Variants in ENTPD5 observed in about 807,000 individuals in gnomAD.
ENTPD5 encodes the protein nucleoside diphosphate phosphatase ENTPD5.
Under a neutral mutation model 60.2 loss-of-function variants are expected in ENTPD5, and 49 were observed. That is an observed-to-expected ratio of 0.81 (90% CI 0.65 to 1.03). ENTPD5 has a LOEUF of 1.03. Among genes scored for constraint, ENTPD5 ranks in the 50% least tolerant of loss-of-function variants. The pLI is 0.00. For missense variants in ENTPD5, 480 were observed against 507.6 expected (o/e 0.95, Z 0.52); for synonymous variants, 187 against 185.4 (o/e 1.01, Z -0.07).
Position 73,971,900 on chromosome 14 carries a change from T to C in ENTPD5, c.1036A>G (p.Lys346Glu). The C allele has an allele frequency of 6.3e-7, 1 of 1,588,202 alleles. No individual in the cohort carries two copies. Among genetic ancestry groups the C allele is most frequent in the Non-Finnish European group, 8.6e-7 (1 of 1,156,464 alleles). The change falls in exon 14 of 16, where the codon AAG becomes GAG. Residue 346 changes from lysine to glutamate, a missense_variant. Physicochemically the swap from Lys to Glu is moderately conservative, Grantham distance 56 (BLOSUM62 1). Coordinates refer to ENST00000334696, the MANE Select transcript of ENTPD5 (RefSeq NM_001249.5). ...AVDTDMIDYE[K>E]GGILKVEDFE... The stretch of plus-strand genomic sequence containing the variant: ...TCTTCAACTTTTAAAATACCCCCCT[T>C]TTCATAATCTGAAATAAAACAGAAG...
chr14:73,971,945 C>A (rs752782819), intron 13 of ENTPD5, 37 bp from the exon 14 acceptor site: 5 of 1,275,402 alleles, frequency 3.9e-6, no homozygotes, highest in East Asian at 2.3e-5. Flanking sequence ...TATCAAAACG[C>A]CTTCAAGGAA....
intron 15 of ENTPD5, among the ~76,000 whole-genome samples, chr14:73,968,151 T>G (rs1040898580): frequency 6.6e-6 from 1 of 151,970 alleles, no homozygotes; most frequent in Non-Finnish European, 1.5e-5. Context: ...AAAAAAATAA[T>G]CAAACAGGGA....
In ENTPD5 at chr14:73,966,748, G is replaced by A; in HGVS notation, c.*180C>T. The A allele has an allele frequency of 1.8e-6, 1 of 542,460 alleles. No homozygotes were observed. The highest frequency in any genetic ancestry group is 3.3e-6 in the Non-Finnish European group (1 of 306,690). 33.6% of individuals were successfully genotyped at this position (542,460 alleles called of 1,614,324 possible). On this transcript the variant is annotated 3_prime_UTR_variant, in exon 16 of 16. Coordinates refer to ENST00000334696, the MANE Select transcript of ENTPD5 (RefSeq NM_001249.5). ...TCACAGGGCTCTCTGTGATGCTCTG[G>A]TGCCAGCTGTGTACTCTTGAGTGGT... is the stretch of plus-strand genomic sequence containing the variant.
At chr14:73,994,469 C>T (rs954185089) in intron 3 of ENTPD5, among the ~76,000 whole-genome samples, 4 of 151,886 alleles carry the variant, frequency 2.6e-5, no homozygotes, top group African/African-American at 9.7e-5. Flanking sequence ...GGTGCAGTGG[C>T]TCACGCCTGT....
At chr14:73,986,791 A>G (rs1467674606) in intron 5 of ENTPD5, 23 bp downstream of exon 5, 1 of 1,569,682 alleles carries the variant, frequency 6.4e-7, no homozygotes, top group Non-Finnish European at 8.8e-7. Context: ...GAGAATCTAA[A>G]CATCAAATCA....
intron 6 of ENTPD5, among the ~76,000 whole-genome samples, chr14:73,981,141 A>AAAATAC (rs1440441072): frequency 2.0e-5 from 3 of 151,950 alleles, no homozygotes; most frequent in Admixed American, 6.6e-5. Context: ...AATAAAAATA[A>AAAATAC]AAATACTGAA....
At chr14:74,012,723 G>GAATA (rs2058883937) in intron 2 of ENTPD5, among the ~76,000 whole-genome samples, 1 of 152,162 alleles carries the variant, frequency 6.6e-6, no homozygotes, top group Non-Finnish European at 1.5e-5. Flanking sequence ...ATAATGGAAT[G>GAATA]TAGGCTCCAT....
chr14:73,976,228 G>T, intron 9 of ENTPD5, 96 bp downstream of exon 9: 1 of 1,082,000 alleles, frequency 9.2e-7, no homozygotes, highest in Admixed American at 1.8e-5. Flanking sequence ...GCCTAAGCGT[G>T]GTAGAGCTGC....
intron 1 of ENTPD5, 34 bp downstream of exon 1, chr14:74,019,216 G>C (rs965145727): frequency 1.2e-5 from 2 of 165,012 alleles, no homozygotes; most frequent in African/African-American, 4.8e-5. Flanking sequence ...GCCCCACGTA[G>C]AGGATCCGGC....
chr14:74,012,384 G>A (rs1373564363), intron 2 of ENTPD5, among the ~76,000 whole-genome samples: 1 of 152,130 alleles, frequency 6.6e-6, no homozygotes, highest in Admixed American at 6.6e-5. Flanking sequence ...TGGGATTATA[G>A]GCATGAGCCA....
intron 8 of ENTPD5, among the ~76,000 whole-genome samples, chr14:73,976,795 G>A (rs35225829): frequency 0.15 from 23,152 of 152,038 alleles, 1,860 homozygotes; most frequent in Admixed American, 0.21. Flanking sequence ...TGGTAGAGAC[G>A]GAGTTTCGCC....
At chr14:74,003,485 G>A in intron 3 of ENTPD5, 7 of 1,426,718 alleles carry the variant, frequency 4.9e-6, no homozygotes, top group Non-Finnish European at 6.6e-6. Context: ...CCGCTAGCTT[G>A]TTGCACCGTG....
At chr14:73,999,969 T>C (rs1392706590) in intron 3 of ENTPD5, among the ~76,000 whole-genome samples, 1 of 149,896 alleles carries the variant, frequency 6.7e-6, no homozygotes, top group Admixed American at 6.7e-5. Flanking sequence ...GCACCTGTAA[T>C]CCCAGCTATT....
chr14:73,966,646 C>T lies in ENTPD5; in HGVS notation c.*282G>A, dbSNP rs142035384. The T allele has an allele frequency of 6.6e-4, 218 of 328,772 alleles. 1 individual carries two copies. Among genetic ancestry groups the T allele is most frequent in the African/African-American group, 4.4e-3 (205 of 46,370 alleles). 20.4% of individuals were successfully genotyped at this position (328,772 alleles called of 1,614,324 possible). Reference sequence around the variant, plus strand: ...ATGAGGCACTCAAAGGGTTGAAATGCGATTTTTCTTTGGTTTCCAGGGACC... The same window carrying T: ...ATGAGGCACTCAAAGGGTTGAAATGTGATTTTTCTTTGGTTTCCAGGGACC... On this transcript the variant is annotated 3_prime_UTR_variant, in exon 16 of 16. Transcript: ENST00000334696.
At chr14:74,009,139 T>G (rs2058767941) in intron 3 of ENTPD5, 1 of 151,060 alleles carries the variant, frequency 6.6e-6, no homozygotes, top group African/African-American at 2.4e-5. Context: ...TGTTGCCTCT[T>G]TTTCTTCACA....
intron 14 of ENTPD5, among the ~76,000 whole-genome samples, 175 bp downstream of exon 14, chr14:73,971,677 T>C (rs1758384073): frequency 6.6e-6 from 1 of 152,104 alleles, no homozygotes; most frequent in Admixed American, 6.6e-5. Flanking sequence ...CGTGCCACCA[T>C]GCCTGGCTAC....
chr14:73,985,152 T>C (rs577768322), intron 5 of ENTPD5, among the ~76,000 whole-genome samples: 5 of 152,206 alleles, frequency 3.3e-5, no homozygotes, highest in Admixed American at 6.5e-5. Context: ...TGATGGACAT[T>C]TGGGTTCGTT....
Position 74,015,926 on chromosome 14 carries a change from G to A in ENTPD5, c.-233C>T, listed in dbSNP as rs888759166. On this transcript the variant is annotated 5_prime_UTR_variant, in exon 2 of 16. Transcript: ENST00000334696. ...CATTTCTTTGTTGACCAGGAACAAG[G>A]AAAACTGGACAGAAAAAGAATTACA... 6.6e-6 allele frequency: 1 copy of A among 152,158 alleles called. No individual in the cohort carries two copies. The highest frequency in any genetic ancestry group is 1.9e-4 in the East Asian group (1 of 5,194). 9.4% of individuals were successfully genotyped at this position (152,158 alleles called of 1,614,324 possible). A position where few individuals can be genotyped will look rare whatever the true frequency, so the allele number is the denominator to read the frequency against.
At chr14:73,957,020 GT>G (rs1398236471), downstream of ENTPD5, among the ~76,000 whole-genome samples, 16 of 152,156 alleles carry the variant, frequency 1.1e-4, no homozygotes, top group Admixed American at 5.9e-4. Context: ...TTGTCTCTGA[GT>G]AGTTTAAGGG....
Sources: gnomAD v4.1 joint callset for allele counts (sites outside exome capture counted in the v4.1 genomes callset) on GRCh38, gnomAD v4.1.1 for gene constraint, MANE v1.5 for transcripts, NCBI Gene and HGNC (gene_info 2026-07-23, HGNC 2026-07-21) for gene names.